Variants in DISC1 observed in about 807,000 individuals in gnomAD.
The protein encoded by DISC1 is DISC1 scaffold protein.
Under a neutral mutation model 84.5 loss-of-function variants are expected in DISC1, and 57 were observed. That is an observed-to-expected ratio of 0.67 (90% CI 0.55 to 0.84). DISC1 has a LOEUF of 0.84. DISC1 is among the 40% of genes least tolerant of loss of function. DISC1 has a pLI of 0.00. For missense variants in DISC1, 1,000 were observed against 1,057.8 expected, an observed-to-expected ratio of 0.95 and a Z score of 0.76; for synonymous variants, 411 against 415.2, an observed-to-expected ratio of 0.99 and a Z score of 0.12.
intron 9 of DISC1, among the ~76,000 whole-genome samples, chr1:231,922,604 A>T (rs974999764): frequency 2.0e-5 from 3 of 152,030 alleles, no homozygotes; most frequent in African/African-American, 7.2e-5. Context: ...GTGCTTCTGG[A>T]TGGAACACAG....
At chr1:231,871,613 T>C (rs539931345) in intron 9 of DISC1, among the ~76,000 whole-genome samples, 2 of 152,310 alleles carry the variant, frequency 1.3e-5, no homozygotes, top group Non-Finnish European at 1.5e-5. Flanking sequence ...TAGCCAACCA[T>C]GTGTTAATCT....
intron 4 of DISC1, among the ~76,000 whole-genome samples, chr1:231,759,029 T>C (rs1194766310): frequency 6.6e-6 from 1 of 152,180 alleles, no homozygotes; most frequent in Non-Finnish European, 1.5e-5. Flanking sequence ...AGATCTATCA[T>C]GGTTTTCCAG....
intron 1 of DISC1, among the ~76,000 whole-genome samples, chr1:231,628,263 T>C (rs1476575082): frequency 6.6e-6 from 1 of 152,214 alleles, no homozygotes; most frequent in African/African-American, 2.4e-5. Context: ...TTTCGGGCTC[T>C]TTGACTTTGA....
Position 232,041,235 on chromosome 1 carries a change from A to G in DISC1, c.*4404A>G, listed in dbSNP as rs1026086673. 2 of 152,230 alleles carry G rather than the reference A, an allele frequency of 1.3e-5. No individual in the cohort carries two copies. The highest frequency in any genetic ancestry group is 4.8e-5 in the African/African-American group (2 of 41,466). 9.4% of individuals were successfully genotyped at this position (152,230 alleles called of 1,614,324 possible). A position where few individuals can be genotyped will look rare whatever the true frequency, so the allele number is the denominator to read the frequency against. On this transcript the variant is annotated 3_prime_UTR_variant, in exon 13 of 13. Transcript: ENST00000439617. ...ACAGGATGATTAATTGTACAGTTAC[A>G]TCACACGAAACATTTATAATAAAGT... is the stretch of plus-strand genomic sequence containing the variant.
intron 9 of DISC1, among the ~76,000 whole-genome samples, chr1:231,877,104 G>T (rs972539187): frequency 2.6e-5 from 4 of 152,192 alleles, no homozygotes; most frequent in Admixed American, 2.0e-4. Context: ...AACAAGTAAA[G>T]AACTAAAAAT....
At chr1:231,961,878 T>C (rs1660433860) in intron 10 of DISC1, among the ~76,000 whole-genome samples, 1 of 152,226 alleles carries the variant, frequency 6.6e-6, no homozygotes, top group African/African-American at 2.4e-5. Flanking sequence ...TGGTTTATTC[T>C]CTTTTGGATA....
chr1:231,665,729 C>G (rs2061963419), intron 1 of DISC1, among the ~76,000 whole-genome samples: 1 of 152,212 alleles, frequency 6.6e-6, no homozygotes, highest in East Asian at 1.9e-4. Flanking sequence ...TTTGGAGATT[C>G]AAAAGTTACA....
intron 1 of DISC1, among the ~76,000 whole-genome samples, chr1:231,667,241 G>A (rs1254639773): frequency 1.3e-5 from 2 of 152,246 alleles, no homozygotes; most frequent in East Asian, 3.8e-4. Context: ...GCAGTCCAAA[G>A]GTTGCCAAGG....
chr1:231,841,993 C>T (rs12119705), intron 9 of DISC1, among the ~76,000 whole-genome samples: 61,114 of 151,858 alleles, frequency 0.4, 12,454 homozygotes, highest in East Asian at 0.43. Context: ...CAGTTTTTCT[C>T]GTTGTTTTTT....
intron 10 of DISC1, among the ~76,000 whole-genome samples, chr1:231,991,766 TA>T (rs1454224147): frequency 6.6e-6 from 1 of 152,192 alleles, no homozygotes; most frequent in East Asian, 1.9e-4. Context: ...GGGTAAAATG[TA>T]AAGGAAAAGC....
intron 6 of DISC1, among the ~76,000 whole-genome samples, chr1:231,794,026 C>T (rs1237470671): frequency 2.6e-5 from 4 of 152,096 alleles, no homozygotes; most frequent in Non-Finnish European, 5.9e-5. Context: ...TCAGGTGATC[C>T]ACCCCCCAAG....
intron 9 of DISC1, among the ~76,000 whole-genome samples, chr1:231,929,113 G>C (rs2090507668): frequency 6.6e-6 from 1 of 152,132 alleles, no homozygotes; most frequent in Admixed American, 6.5e-5. Context: ...GAATATCCTT[G>C]TTAATTTTCT....
In DISC1 at chr1:232,009,460, ATAT is replaced by A; in HGVS notation, c.2307+412_2307+414del. On this transcript the variant is annotated intron_variant, in intron 11 of 12. Transcript: ENST00000439617. This position sits in a 1 kb window ranked among gnomAD's most constrained non-coding sequence, Gnocchi z 4.6. ...GTATTGTATGTCATATATGATGTTT[ATAT>A]ATTTAGAATCTATATATTACAATAT... is the stretch of plus-strand genomic sequence containing the variant. 4 of 607,314 alleles carry A rather than the reference ATAT, an allele frequency of 6.6e-6. No homozygotes were observed. Among genetic ancestry groups the A allele is most frequent in the African/African-American group, 4.2e-5 (2 of 48,170 alleles). The allele number at this position is 607,314 out of a possible 1,614,324, so 37.6% of individuals were successfully genotyped here.
At chr1:231,639,203 T>C (rs1488630978) in intron 1 of DISC1, among the ~76,000 whole-genome samples, 1 of 152,142 alleles carries the variant, frequency 6.6e-6, no homozygotes, top group African/African-American at 2.4e-5. Context: ...TTCATGTAGA[T>C]TGCGTGTTCA....
intron 3 of DISC1, among the ~76,000 whole-genome samples, chr1:231,727,519 A>C (rs531874475): frequency 6.6e-6 from 1 of 152,254 alleles, no homozygotes; most frequent in Admixed American, 6.5e-5. Context: ...TTCCTCCTCT[A>C]TTTGACCATC....
At chr1:231,964,511 T>G (rs1660827951) in intron 10 of DISC1, among the ~76,000 whole-genome samples, 2 of 152,204 alleles carry the variant, frequency 1.3e-5, no homozygotes, top group South Asian at 2.1e-4. Flanking sequence ...TGGTATGGTG[T>G]AAACAATGGA....
intron 9 of DISC1, among the ~76,000 whole-genome samples, chr1:231,825,728 C>T (rs896426665): frequency 6.6e-6 from 1 of 152,058 alleles, no homozygotes; most frequent in East Asian, 1.9e-4. Context: ...AACTGCATAA[C>T]TTCAGCCTAA....
At chr1:231,805,081 G>T (rs1247118055) in intron 8 of DISC1, among the ~76,000 whole-genome samples, 2 of 152,190 alleles carry the variant, frequency 1.3e-5, no homozygotes, top group African/African-American at 4.8e-5. Context: ...CCAGTTGAGT[G>T]TGGTGTAATA....
At chr1:231,947,593 C>A (rs1657482680) in intron 9 of DISC1, among the ~76,000 whole-genome samples, 1 of 152,114 alleles carries the variant, frequency 6.6e-6, no homozygotes, top group Non-Finnish European at 1.5e-5. Flanking sequence ...CAACAAAAGC[C>A]AAAATTGACA....
Sources: allele counts gnomAD v4.1 joint callset (sites outside exome capture counted in the v4.1 genomes callset), GRCh38; gene constraint gnomAD v4.1.1; non-coding constraint Gnocchi (gnomAD v3.1); transcripts MANE v1.5; gene names NCBI Gene and HGNC (gene_info 2026-07-23, HGNC 2026-07-21).